RP1L1: variants seen among roughly 807,000 people sequenced by gnomAD.
The protein encoded by RP1L1 is RP1 like 1, also known as retinitis pigmentosa 1-like 1 protein.
A neutral mutation model predicts 15.7 loss-of-function variants in RP1L1; 27 were observed. The ratio of observed to expected loss-of-function variants is 1.72; its 90% confidence interval spans 1.27 to 2.38. RP1L1 has a LOEUF of 2.38. Among genes scored for constraint, RP1L1 ranks in the 30% most tolerant of loss-of-function variants. RP1L1 has a pLI of 0.00. For synonymous variants in RP1L1, 1,813 were observed against 1,276.7 expected, an observed-to-expected ratio of 1.42 and a Z score of -8.96; for missense variants, 4,798 against 3,075.9, an observed-to-expected ratio of 1.56 and a Z score of -13.24.
In RP1L1 at chr8:10,612,547, T is replaced by C. The variant is rs761588903; in HGVS notation, c.1551A>G (p.Gln517=). ...IDGAGLGGPE[Q]GGRLTPRARS... is the part of the protein sequence containing the mutation. ...GGGCCCTCGGTGTCAGGCGGCCGCC[T>C]TGCTCTGGGCCGCCCAGCCCTGCTC... The change falls in exon 4 of 4, where the codon CAA becomes CAG. Residue 517 remains glutamine (Q), a synonymous_variant. Coordinates refer to ENST00000382483, the MANE Select transcript of RP1L1 (RefSeq NM_178857.6). 12 of 1,609,398 alleles carry C rather than the reference T, an allele frequency of 7.5e-6. No homozygotes were observed. The South Asian group carries it at 1.2e-4, about 16-fold the overall frequency.
At chr8:10,616,655 G>A (rs1043126628) in intron 2 of RP1L1, 68 bp from the exon 3 acceptor site, 3 of 1,524,478 alleles carry the variant, frequency 2.0e-6, no homozygotes, top group Non-Finnish European at 2.6e-6. Flanking sequence ...AGGCCTGGGG[G>A]AGGAAGGATC....
Position 10,613,138 on chromosome 8 carries a change from G to T in RP1L1, c.960C>A (p.Ser320Arg). 1 of 1,613,900 alleles carries T rather than the reference G, an allele frequency of 6.2e-7. No individual in the cohort carries two copies. Among genetic ancestry groups the T allele is most frequent in the East Asian group, 2.2e-5 (1 of 44,866 alleles). Reference protein sequence around the residue: ...KKKVRMNEDGSLSVEMKVRFH... With the variant: ...KKKVRMNEDGRLSVEMKVRFH... Reference sequence around the variant, plus strand: ...AGCGGACTTTCATCTCCACGGACAGGCTGCCGTCCTCATTCATGCGGACCT... The same window carrying T: ...AGCGGACTTTCATCTCCACGGACAGTCTGCCGTCCTCATTCATGCGGACCT... Residue 320 changes from serine to arginine, a missense_variant, in exon 4 of 4, where the codon AGC (serine) becomes AGA (arginine). Ser to Arg is a moderately radical substitution (Grantham distance 110, BLOSUM62 -1). Coordinates refer to ENST00000382483, the MANE Select transcript of RP1L1 (RefSeq NM_178857.6).
intron 1 of RP1L1, among the ~76,000 whole-genome samples, chr8:10,631,270 AACACGCATGCACAC>A (rs1264407494): frequency 4.5e-5 from 6 of 134,062 alleles, no homozygotes; most frequent in African/African-American, 1.7e-4. Flanking sequence ...CACGCACACA[AACACGCATGCACAC>A]ACACGCACAC....
At chr8:10,626,478 G>C (rs1798159438) in intron 1 of RP1L1, among the ~76,000 whole-genome samples, 1 of 152,206 alleles carries the variant, frequency 6.6e-6, no homozygotes, top group Admixed American at 6.5e-5. Context: ...CATGCAGCAG[G>C]GAGCTGGGTC....
chr8:10,631,341 A>C (rs1798244102), intron 1 of RP1L1, among the ~76,000 whole-genome samples: 1 of 61,892 alleles, frequency 1.6e-5, no homozygotes, highest in African/African-American at 4.0e-5. Context: ...ACATGCACAC[A>C]CACGCACACA....
chr8:10,609,750 G>C lies in RP1L1; in HGVS notation c.4348C>G (p.Pro1450Ala). 2 of 1,613,536 alleles carry C rather than the reference G, an allele frequency of 1.2e-6. No individual in the cohort carries two copies. The change falls in exon 4 of 4, where the codon CCC becomes GCC. Residue 1450 changes from proline (P) to alanine (A), a missense_variant. Pro to Ala is a conservative substitution (Grantham distance 27, BLOSUM62 -1). Coordinates refer to ENST00000382483, the MANE Select transcript of RP1L1 (RefSeq NM_178857.6). ...CTGAGATGACTAGGGGGCTCTGTGG[G>C]TTCCTCTGTGCCCTCTGCGGGGCAC... ...EPCPAEGTEEPTEPPSHLSET... is the reference protein window; with the variant it reads ...EPCPAEGTEEATEPPSHLSET...
At chr8:10,652,195 C>G (rs941983407) in intron 1 of RP1L1, among the ~76,000 whole-genome samples, 3 of 152,170 alleles carry the variant, frequency 2.0e-5, no homozygotes, top group Non-Finnish European at 1.5e-5. Flanking sequence ...CATCATGAAG[C>G]CACGCATGAC....
Position 10,610,226 on chromosome 8 carries a change from T to G in RP1L1, c.3872A>C (p.Gln1291Pro), listed in dbSNP as rs566413090. 3.7e-6 allele frequency: 6 copies of G among 1,614,008 alleles called. No individual in the cohort carries two copies. In the African/African-American group the frequency reaches 5.3e-5, roughly 14 times the overall value. Residue 1291 changes from glutamine (Q) to proline (P), a missense_variant, in exon 4 of 4, where the codon CAG becomes CCG. Gln to Pro is a moderately conservative substitution (Grantham distance 76). Coordinates refer to ENST00000382483, the MANE Select transcript of RP1L1 (RefSeq NM_178857.6). Reference protein sequence around the residue: ...EEQRASSNLEQLAENTVQEEV... With the variant: ...EEQRASSNLEPLAENTVQEEV... The stretch of plus-strand genomic sequence containing the variant: ...TTCTTGCACTGTGTTTTCAGCTAAC[T>G]GCTCCAGGTTCGAGCTCGCCCTCTG...
intron 1 of RP1L1, among the ~76,000 whole-genome samples, chr8:10,625,716 C>T (rs571023307): frequency 6.8e-4 from 104 of 152,288 alleles, no homozygotes; most frequent in African/African-American, 2.3e-3. Flanking sequence ...TCCAGGTGCC[C>T]CCGGCTGTGG....
rs74366179 is a variant in RP1L1 at position 10,610,094 on chromosome 8, C to G, written c.4004G>C (p.Gly1335Ala). Residue 1335 changes from glycine to alanine, a missense_variant, in exon 4 of 4, where the codon GGG (glycine) becomes GCG (alanine). Physicochemically the swap from Gly to Ala is moderately conservative, Grantham distance 60 (BLOSUM62 0). Transcript: ENST00000382483. ...TTCTTTAGTTTCCTCTAACTGCACC[C>G]CCTCTTCTTGCAGCCCTTCTTCTGT... ...TKTEEGLQEE[G>A]VQLEETKETE... 41 of 1,436,890 alleles carry G rather than the reference C, an allele frequency of 2.9e-5. No homozygotes were observed. The highest frequency in any genetic ancestry group is 2.2e-4 in the African/African-American group (15 of 67,828). 89.0% of individuals were successfully genotyped at this position (1,436,890 alleles called of 1,614,324 possible).
chr8:10,614,003 T>C (rs1202175484), intron 3 of RP1L1, among the ~76,000 whole-genome samples: 1 of 152,178 alleles, frequency 6.6e-6, no homozygotes, highest in Admixed American at 6.5e-5. Flanking sequence ...TCGGTTCGTA[T>C]TGATGCATGG....
intron 1 of RP1L1, 125 bp from the exon 2 acceptor site, chr8:10,623,345 G>A (rs1328033674): frequency 2.6e-5 from 19 of 725,574 alleles, no homozygotes; most frequent in African/African-American, 1.8e-4. Flanking sequence ...CTATGGAGAG[G>A]CAAGTGAATC....
rs1483879213 is a variant in RP1L1, at chr8:10,609,039, A to C, written c.5059T>G (p.Phe1687Val). The C allele has an allele frequency of 6.2e-7, 1 of 1,613,694 alleles. No homozygotes were observed. Among genetic ancestry groups the C allele is most frequent in the Non-Finnish European group, 8.5e-7 (1 of 1,179,720 alleles). The change falls in exon 4 of 4, where the codon TTT (phenylalanine) becomes GTT (valine). Residue 1687 changes from phenylalanine (F) to valine (V), a missense_variant. Physicochemically the swap from Phe to Val is conservative, Grantham distance 50. Transcript: ENST00000382483. The part of the protein sequence containing the change: ...GATRGPIKEA[F>V]DLQQILQRKR... ...CTCTGCAGAATCTGCTGCAGGTCAA[A>C]GGCCTCTTTGATGGGACCTCTGGTT...
At position 10,616,527 on chromosome 8, in the gene RP1L1, C is replaced by T. The variant is rs117547822; in HGVS notation, c.670G>A (p.Ala224Thr). ...TTTTTCATGGCTGGGGTTCTGAAGG[C>T]CTCATGCCCGGCACACACCAGCACA... Reference protein sequence around the residue: ...PSVLVCAGHEAFRTPAMKNAR... With the variant: ...PSVLVCAGHETFRTPAMKNAR... Residue 224 changes from alanine to threonine, a missense_variant, in exon 3 of 4, where the codon GCC becomes ACC. Physicochemically the swap from Ala to Thr is moderately conservative, Grantham distance 58. Coordinates refer to ENST00000382483, the MANE Select transcript of RP1L1 (RefSeq NM_178857.6). 54 of 1,614,176 alleles carry T rather than the reference C, an allele frequency of 3.3e-5. No homozygotes were observed. In the East Asian group the frequency reaches 1.1e-3, roughly 33 times the overall value.
chr8:10,652,566 C>T (rs547941493), intron 1 of RP1L1, among the ~76,000 whole-genome samples: 24 of 152,100 alleles, frequency 1.6e-4, no homozygotes, highest in Admixed American at 6.5e-5. Flanking sequence ...CCAAGGTTCA[C>T]GTAGCTAGTG....
Position 10,607,105 on chromosome 8 carries a change from C to G in RP1L1, c.6993G>C (p.Thr2331=), listed in dbSNP as rs533478971. 16 of 1,614,212 alleles carry G rather than the reference C, an allele frequency of 9.9e-6. No individual in the cohort carries two copies. In the South Asian group the frequency reaches 1.6e-4, roughly 17 times the overall value. The change falls in exon 4 of 4, where the codon ACG becomes ACC. Residue 2331 remains threonine (T), a synonymous_variant. Transcript: ENST00000382483. ...CCTTCCTCTCTGCATGAGGGGTCCC[C>G]GTGGACTTGGCATCAGGGCTCCTTG... ...GDTRSPDAKS[T]GTPHAERKAT...
intron 1 of RP1L1, among the ~76,000 whole-genome samples, chr8:10,625,801 C>T (rs1798147420): frequency 6.6e-6 from 1 of 152,066 alleles, no homozygotes; most frequent in Admixed American, 6.5e-5. Flanking sequence ...AGCACAGAGA[C>T]CGAGGGATCC....
chr8:10,609,849 C>A lies in RP1L1; in HGVS notation c.4249G>T (p.Asp1417Tyr). Reference protein sequence around the residue: ...GQELSEASSPDGKGSQEDDPV... With the variant: ...GQELSEASSPYGKGSQEDDPV... ...TCATCTTCCTGGGAGCCTTTCCCAT[C>A]CGGAGAGCTGGCCTCTGACAATTCC... Residue 1417 changes from aspartate (D) to tyrosine (Y), a missense_variant, in exon 4 of 4, where the codon GAT becomes TAT. Coordinates refer to ENST00000382483, the MANE Select transcript of RP1L1 (RefSeq NM_178857.6). 1 of 1,614,196 alleles carries A rather than the reference C, an allele frequency of 6.2e-7. No homozygotes were observed. The highest frequency in any genetic ancestry group is 8.5e-7 in the Non-Finnish European group (1 of 1,180,040).
intron 1 of RP1L1, among the ~76,000 whole-genome samples, chr8:10,636,207 C>A (rs530772046): frequency 1.3e-5 from 2 of 152,180 alleles, no homozygotes; most frequent in South Asian, 2.1e-4. Flanking sequence ...GGGTCTATAA[C>A]AAGAGTTCCA....
Sources: allele counts gnomAD v4.1 joint callset (sites outside exome capture counted in the v4.1 genomes callset), GRCh38; gene constraint gnomAD v4.1.1; transcripts MANE v1.5; gene names NCBI Gene and HGNC (gene_info 2026-07-23, HGNC 2026-07-21).